CEP120: variants seen among roughly 807,000 people sequenced by gnomAD.
CEP120 encodes the protein centrosomal protein of 120 kDa.
Under a neutral mutation model 126.5 loss-of-function variants are expected in CEP120, and 113 were observed. The ratio of observed to expected loss-of-function variants is 0.89; its 90% CI spans 0.77 to 1.04. The LOEUF is 1.04. Among genes scored for constraint, CEP120 ranks in the 50% least tolerant of loss-of-function variants. The pLI, the probability that CEP120 is intolerant of heterozygous loss-of-function variation, is 0.00. For synonymous variants in CEP120, 400 were observed against 394.3 expected (o/e 1.01, Z -0.17); for missense variants, 1,230 against 1,155.7 (o/e 1.06, Z -0.93).
chr5:123,396,565 T>C (rs1772805688), intron 5 of CEP120, among the ~76,000 whole-genome samples: 1 of 152,234 alleles, frequency 6.6e-6, no homozygotes, highest in South Asian at 2.1e-4. Flanking sequence ...CATACAAATG[T>C]AGCTTCTCAC....
intron 2 of CEP120, 88 bp downstream of exon 2, chr5:123,418,271 C>A: frequency 8.2e-7 from 1 of 1,218,866 alleles, no homozygotes; most frequent in Non-Finnish European, 1.1e-6. Flanking sequence ...CTTCTGGTCC[C>A]AAGTATTAAA....
At chr5:123,395,722 C>A (rs1485524948) in intron 5 of CEP120, among the ~76,000 whole-genome samples, 1 of 150,266 alleles carries the variant, frequency 6.7e-6, no homozygotes, top group Non-Finnish European at 1.5e-5. Context: ...TGCACTGTCA[C>A]CCAGGCTCGA....
chr5:123,420,599 T>C (rs1224125970), intron 1 of CEP120, among the ~76,000 whole-genome samples: 1 of 152,158 alleles, frequency 6.6e-6, no homozygotes, highest in Non-Finnish European at 1.5e-5. Context: ...AATACAGACA[T>C]TATCCTTTAG....
At position 123,391,320 on chromosome 5, in the gene CEP120, T is replaced by C. The variant is rs765625341; in HGVS notation, c.828A>G (p.Gly276=). Residue 276 remains glycine, a synonymous_variant, in exon 7 of 20, where the codon GGA becomes GGG. Transcript: ENST00000306467. ...QSKLQIHLCC[G]DQSLGSTEIP... ...TTTCTGTACTTCCAAGTGACTGGTC[T>C]CCACAGCAGAGGTGAATCTAATATG... The C allele has an allele frequency of 8.7e-6, 14 of 1,613,530 alleles. No individual in the cohort carries two copies. Among genetic ancestry groups the C allele is most frequent in the Non-Finnish European group, 1.2e-5 (14 of 1,179,540 alleles).
At chr5:123,407,807 G>C (rs1337107606) in intron 4 of CEP120, among the ~76,000 whole-genome samples, 1 of 152,112 alleles carries the variant, frequency 6.6e-6, no homozygotes, top group African/African-American at 2.4e-5. Flanking sequence ...CCAAGACAGA[G>C]CAATTCTGGG....
At chr5:123,395,952 G>C (rs1390408567) in intron 5 of CEP120, among the ~76,000 whole-genome samples, 1 of 150,678 alleles carries the variant, frequency 6.6e-6, no homozygotes, top group Non-Finnish European at 1.5e-5. Flanking sequence ...AAAGTGCTGG[G>C]ATTACAGATG....
At position 123,423,015 on chromosome 5, in the gene CEP120, C is replaced by A. The variant is rs755078840; in HGVS notation, c.-17G>T. ...GGAGACCATGGTTGCGGTGAGCGGTCCGGGGGCGAAGGCGGCTGGGGGGAA... is the reference window on the plus strand; with the variant it reads ...GGAGACCATGGTTGCGGTGAGCGGTACGGGGGCGAAGGCGGCTGGGGGGAA... On this transcript the variant is annotated 5_prime_UTR_variant, in exon 1 of 20. Coordinates refer to ENST00000306467, the MANE Select transcript of CEP120 (RefSeq NM_001375405.1). 1 of 1,613,516 alleles carries A rather than the reference C, an allele frequency of 6.2e-7. No homozygotes were observed. Among genetic ancestry groups the A allele is most frequent in the Non-Finnish European group, 8.5e-7 (1 of 1,179,578 alleles).
At chr5:123,349,588 G>C (rs750121908) in intron 19 of CEP120, among the ~76,000 whole-genome samples, 1 of 152,094 alleles carries the variant, frequency 6.6e-6, no homozygotes, top group Non-Finnish European at 1.5e-5. Context: ...ACTTGCCATA[G>C]CTGTATTCAC....
At chr5:123,417,482 T>TTA in intron 2 of CEP120, among the ~76,000 whole-genome samples, 1 of 152,226 alleles carries the variant, frequency 6.6e-6, no homozygotes, top group African/African-American at 2.4e-5. Context: ...TAAGTCTATT[T>TTA]TATATACTAA....
At chr5:123,419,217 A>G (rs1049038568) in intron 1 of CEP120, among the ~76,000 whole-genome samples, 2 of 152,204 alleles carry the variant, frequency 1.3e-5, no homozygotes, top group Non-Finnish European at 2.9e-5. Context: ...CTGGAATTAA[A>G]CACTTAATGT....
chr5:123,346,615 C>T lies in CEP120; in HGVS notation c.2865G>A (p.Leu955=). Residue 955 remains leucine, a synonymous_variant, in exon 20 of 20, where the codon TTG becomes TTA. Transcript: ENST00000306467. The part of the protein sequence containing the change: ...LTRLIEERDT[L]MRTGVYNHED... ...CGTGATTATACACACCCGTTCTCATCAAAGTATCCCTTTCTTCTATCAGGC... is the reference window on the plus strand; with the variant it reads ...CGTGATTATACACACCCGTTCTCATTAAAGTATCCCTTTCTTCTATCAGGC... 1 of 1,613,998 alleles carries T rather than the reference C, an allele frequency of 6.2e-7. No homozygotes were observed. The highest frequency in any genetic ancestry group is 8.5e-7 in the Non-Finnish European group (1 of 1,179,958).
In CEP120 at chr5:123,398,732, A is replaced by G. The variant is rs1191043594; in HGVS notation, c.612+404T>C. Among the ~76,000 whole-genome samples the G allele has an allele frequency of 2.6e-5, 4 of 152,330 alleles. No homozygotes were observed. In the East Asian group the frequency reaches 7.7e-4, roughly 29 times the overall value. On this transcript the variant is annotated intron_variant, in intron 5 of 19. Coordinates refer to ENST00000306467, the MANE Select transcript of CEP120 (RefSeq NM_001375405.1). ...TAACAGCTTAATTTATTAGTTTATA[A>G]ACAAGATAAAATAGAACCCAAAACT...
At chr5:123,354,300 G>A (rs189267738) in intron 18 of CEP120, among the ~76,000 whole-genome samples, 150 of 152,164 alleles carry the variant, frequency 9.9e-4, no homozygotes, top group Admixed American at 2.9e-3. Context: ...AATGTGTTGA[G>A]AATTGTAGTT....
At chr5:123,401,743 C>T (rs906727197) in intron 4 of CEP120, 3 of 1,193,946 alleles carry the variant, frequency 2.5e-6, no homozygotes, top group South Asian at 2.4e-5. Flanking sequence ...AAGCTTCATC[C>T]ACAATCCTTC....
At chr5:123,412,601 A>C in intron 3 of CEP120, 61 bp from the exon 4 acceptor site, 1 of 1,207,930 alleles carries the variant, frequency 8.3e-7, no homozygotes. Context: ...CATATTGGGA[A>C]ATGCTATACA....
chr5:123,392,749 A>G (rs1008357072), intron 6 of CEP120, among the ~76,000 whole-genome samples: 8 of 152,122 alleles, frequency 5.3e-5, no homozygotes, highest in Non-Finnish European at 1.2e-4. Context: ...GCCTCAAGTG[A>G]TCCTCCCATC....
At chr5:123,414,129 T>C (rs1193330715) in intron 3 of CEP120, among the ~76,000 whole-genome samples, 1 of 152,208 alleles carries the variant, frequency 6.6e-6, no homozygotes, top group Non-Finnish European at 1.5e-5. Context: ...CAAGAGTATT[T>C]AGAGGCATGA....
intron 18 of CEP120, among the ~76,000 whole-genome samples, chr5:123,353,107 T>C (rs1177058311): frequency 2.0e-5 from 3 of 151,998 alleles, no homozygotes; most frequent in Non-Finnish European, 4.4e-5. Context: ...AGTATTTCTT[T>C]TTCTTGCCCT....
intron 4 of CEP120, among the ~76,000 whole-genome samples, chr5:123,405,098 T>A (rs1773551596): frequency 6.6e-6 from 1 of 152,178 alleles, no homozygotes; most frequent in Non-Finnish European, 1.5e-5. Flanking sequence ...TCTCCATAGA[T>A]CTGTCAGAGA....
Sources: gnomAD v4.1 joint callset for allele counts (sites outside exome capture counted in the v4.1 genomes callset) on GRCh38, gnomAD v4.1.1 for gene constraint, MANE v1.5 for transcripts, NCBI Gene and HGNC (gene_info 2026-07-23, HGNC 2026-07-21) for gene names.